Variants in MKNK1 observed in about 807,000 individuals in gnomAD.
The protein encoded by MKNK1 is MAPK interacting serine/threonine kinase 1, also known as MAP kinase-interacting serine/threonine-protein kinase 1.
A neutral mutation model predicts 49.3 loss-of-function variants in MKNK1; 30 were observed. The observed-to-expected ratio is 0.61, with a 90% CI of 0.46 to 0.83. MKNK1 has a LOEUF of 0.83. Among genes scored for constraint, MKNK1 ranks in the 40% least tolerant of loss-of-function variants. MKNK1 has a pLI of 0.00. For synonymous variants in MKNK1, 176 were observed against 201.7 expected, an observed-to-expected ratio of 0.87 and a Z score of 1.08; for missense variants, 423 against 524.7, an observed-to-expected ratio of 0.81 and a Z score of 1.89.
Position 46,576,611 on chromosome 1 carries a change from C to A in MKNK1, c.242G>T (p.Arg81Leu). The change falls in exon 5 of 13, where the codon CGA becomes CTA. Residue 81 changes from arginine to leucine, a missense_variant. Coordinates refer to ENST00000371945, the MANE Select transcript of MKNK1 (RefSeq NM_001135553.4). ...QAGHSRSRVF[R>L]EVETLYQCQG... ...ACACTGATACAGCGTCTCCACCTCT[C>A]GAAACACCCTACTCCGACTGTGCCC... 2 of 1,614,124 alleles carry A rather than the reference C, an allele frequency of 1.2e-6. No individual in the cohort carries two copies. The highest frequency in any genetic ancestry group is 1.7e-6 in the Non-Finnish European group (2 of 1,179,990).
At chr1:46,571,363 G>A (rs1482849504) in intron 7 of MKNK1, 2 of 267,914 alleles carry the variant, frequency 7.5e-6, no homozygotes, top group South Asian at 3.0e-5. Context: ...GGGCAACAGA[G>A]GGAGACCCCA....
At chr1:46,572,270 G>C (rs1426372581) in intron 6 of MKNK1, 103 bp from the exon 7 acceptor site, 4 of 937,356 alleles carry the variant, frequency 4.3e-6, no homozygotes, top group Admixed American at 2.2e-5. Context: ...CTGGAGAGTA[G>C]TGGCACGATC....
At chr1:46,568,584 G>T in intron 7 of MKNK1, 86 bp from the exon 8 acceptor site, 1 of 1,287,074 alleles carries the variant, frequency 7.8e-7, no homozygotes, top group South Asian at 1.2e-5. Context: ...TCCAAATGCT[G>T]TAGTTCGCAG....
intron 3 of MKNK1, among the ~76,000 whole-genome samples, chr1:46,581,929 C>T (rs1671807834): frequency 2.0e-5 from 3 of 152,180 alleles, no homozygotes; most frequent in Admixed American, 2.0e-4. Flanking sequence ...AGCTGCCTGA[C>T]CTCATCCCCA....
Position 46,603,815 on chromosome 1 carries a change from T to G in MKNK1, c.-171+370A>C, listed in dbSNP as rs115648891. Among the ~76,000 whole-genome samples, 1,249 of 152,244 alleles carry G rather than the reference T, an allele frequency of 8.2e-3. 11 individuals are homozygous for G. The highest frequency in any genetic ancestry group is 0.012 in the Non-Finnish European group (837 of 68,006). ...CTGAAAATAAATGAAAACAATTAAC[T>G]TAAAAATAACGCAGTACACAGATTT... On this transcript the variant is annotated intron_variant, in intron 1 of 12. Coordinates refer to ENST00000371945, the MANE Select transcript of MKNK1 (RefSeq NM_001135553.4).
chr1:46,595,050 C>T (rs1232911021), intron 1 of MKNK1: 2 of 173,216 alleles, frequency 1.2e-5, no homozygotes, highest in Non-Finnish European at 1.3e-5. Flanking sequence ...CCAAGTCTCA[C>T]AGGCAAGAGG....
At chr1:46,582,168 C>CT (rs1333123315) in intron 3 of MKNK1, among the ~76,000 whole-genome samples, 1 of 152,126 alleles carries the variant, frequency 6.6e-6, no homozygotes, top group Non-Finnish European at 1.5e-5. Context: ...ATCTTTGTCT[C>CT]TCCCCCATCC....
In MKNK1 at chr1:46,587,796, A is replaced by G. The variant is rs370466089; in HGVS notation, c.-2-4467T>C. 9.9e-5 allele frequency among the ~76,000 whole-genome samples: 15 copies of G among 152,208 alleles called. No homozygotes were observed. In the East Asian group the frequency reaches 1.4e-3, roughly 14 times the overall value. On this transcript the variant is annotated intron_variant, in intron 2 of 12. Coordinates refer to ENST00000371945, the MANE Select transcript of MKNK1 (RefSeq NM_001135553.4). ...CGCACCATTGCACTCCAGCCTGCGC[A>G]ACAAGAGTGAAACTCCGTCTCAAAA...
rs758369953 is a variant in MKNK1 at position 46,568,506 on chromosome 1, G to GAC, written c.458-10_458-9dup. The GAC allele has an allele frequency of 3.1e-6, 5 of 1,612,980 alleles. No individual in the cohort carries two copies. The highest frequency in any genetic ancestry group is 4.2e-6 in the Non-Finnish European group (5 of 1,179,476). On this transcript the variant is annotated splice_polypyrimidine_tract_variant and intron_variant, in intron 7 of 12. Transcript: ENST00000371945. ...GATCACGATGAGCAATGCCTGACAT[G>GAC]ACAAAGAGCAAAAAAATGGTTAACA...
rs193272515 is a variant in MKNK1 at position 46,576,649 on chromosome 1, G to C, written c.204C>G (p.Ile68Met). 6.2e-7 allele frequency: 1 copy of C among 1,613,880 alleles called. No homozygotes were observed. The highest frequency in any genetic ancestry group is 1.1e-5 in the South Asian group (1 of 91,076). ...TCCGACTGTGCCCTGCTTGTTTCTC[G>C]ATGATCTGTGGGAAGAATAAAATCT... is the stretch of plus-strand genomic sequence containing the variant. ...QNGKEYAVKI[I>M]EKQAGHSRSR... The change falls in exon 5 of 13, where the codon ATC becomes ATG. Residue 68 changes from isoleucine to methionine, a missense_variant. By Grantham distance (10) the Ile-to-Met change is conservative (BLOSUM62 1). Coordinates refer to ENST00000371945, the MANE Select transcript of MKNK1 (RefSeq NM_001135553.4).
intron 5 of MKNK1, 75 bp from the exon 6 acceptor site, chr1:46,575,095 A>G (rs1329163737): frequency 2.0e-6 from 2 of 979,886 alleles, no homozygotes; most frequent in Admixed American, 5.2e-5. Context: ...TTACAAATAT[A>G]CAATGAAAAA....
At chr1:46,595,320 C>A (rs544384075) in intron 1 of MKNK1, among the ~76,000 whole-genome samples, 3 of 151,862 alleles carry the variant, frequency 2.0e-5, no homozygotes, top group Middle Eastern at 3.4e-3. Flanking sequence ...GAATTCTGAG[C>A]CAAAATTTCT....
At chr1:46,590,859 C>A (rs1673241461) in intron 2 of MKNK1, among the ~76,000 whole-genome samples, 1 of 152,232 alleles carries the variant, frequency 6.6e-6, no homozygotes, top group Non-Finnish European at 1.5e-5. Flanking sequence ...ACTGCCCTAG[C>A]TTCTGGAAAT....
rs1004984613 is a variant in MKNK1, at chr1:46,595,588, A to G, written c.-170-1308T>C. 2.0e-5 allele frequency among the ~76,000 whole-genome samples: 3 copies of G among 152,258 alleles called. No homozygotes were observed. The East Asian group carries it at 5.8e-4, about 29-fold the overall frequency. On this transcript the variant is annotated intron_variant, in intron 1 of 12. Transcript: ENST00000371945. Reference sequence around the variant, plus strand: ...CTGAATGAATTACTTAATACACGAAATATCTCTTTAACATCCAATAAAGAT... The same window carrying G: ...CTGAATGAATTACTTAATACACGAAGTATCTCTTTAACATCCAATAAAGAT...
chr1:46,598,830 C>CA (rs1674386513), intron 1 of MKNK1, among the ~76,000 whole-genome samples: 3 of 152,200 alleles, frequency 2.0e-5, no homozygotes, highest in Admixed American at 6.5e-5. Context: ...AATATAAACT[C>CA]TAGTCTCTCT....
Position 46,572,082 on chromosome 1 carries a change from A to G in MKNK1, c.438T>C (p.Leu146=). The change falls in exon 7 of 13, where the codon CTT becomes CTC. Residue 146 remains leucine, a synonymous_variant. Coordinates refer to ENST00000371945, the MANE Select transcript of MKNK1 (RefSeq NM_001135553.4). The part of the protein sequence containing the change: ...SRVVRDVAAA[L]DFLHTKGIAH... ...GTTCACCTTTGGTATGCAGGAAGTC[A>G]AGGGCAGCAGCAACGTCCCGCACCA... 1.2e-6 allele frequency: 2 copies of G among 1,614,026 alleles called. No individual in the cohort carries two copies. The highest frequency in any genetic ancestry group is 1.7e-6 in the Non-Finnish European group (2 of 1,179,936).
At chr1:46,559,706 G>C (rs183970875) in intron 12 of MKNK1, 1 of 163,350 alleles carries the variant, frequency 6.1e-6, no homozygotes, top group East Asian at 1.7e-4. Context: ...GTGCAGTGGC[G>C]TGATCGCAGC....
Position 46,568,402 on chromosome 1 carries a change from G to A in MKNK1, c.513+41C>T, listed in dbSNP as rs372509463. 30 of 1,599,756 alleles carry A rather than the reference G, an allele frequency of 1.9e-5. No homozygotes were observed. The African/African-American group carries it at 3.6e-4, about 19-fold the overall frequency. ...CCTGAAAGCAAGGGTGGCTTCCTCGGTAAGTATAAACTATAACATTCCAAA... is the reference window on the plus strand; with the variant it reads ...CCTGAAAGCAAGGGTGGCTTCCTCGATAAGTATAAACTATAACATTCCAAA... On this transcript the variant is annotated intron_variant, in intron 8 of 12. Coordinates refer to ENST00000371945, the MANE Select transcript of MKNK1 (RefSeq NM_001135553.4).
At chr1:46,561,780 C>A in intron 10 of MKNK1, 138 bp from the exon 11 acceptor site, 1 of 916,784 alleles carries the variant, frequency 1.1e-6, no homozygotes, top group Non-Finnish European at 1.6e-6. Flanking sequence ...AGACTGGGGC[C>A]TCTTCCCAGA....
Sources: gnomAD v4.1 joint callset for allele counts (sites outside exome capture counted in the v4.1 genomes callset) on GRCh38, gnomAD v4.1.1 for gene constraint, MANE v1.5 for transcripts, NCBI Gene and HGNC (gene_info 2026-07-23, HGNC 2026-07-21) for gene names.